The following WNT2 variants were observed in gnomAD, a reference collection of about 807,000 sequenced individuals.
WNT2 encodes the protein protein Wnt-2.
Under a neutral mutation model 36.9 loss-of-function variants are expected in WNT2, and 12 were observed. The observed-to-expected ratio is 0.33, with a 90% CI of 0.21 to 0.53. WNT2 has a LOEUF of 0.53. WNT2 is among the 20% of genes least tolerant of loss of function. WNT2 has a pLI of 0.95. For synonymous variants in WNT2, 163 were observed against 174.6 expected (o/e 0.93, Z 0.52); for missense variants, 379 against 473.1 (o/e 0.80, Z 1.84).
chr7:117,286,401 ATC>A (rs1794579918), intron 4 of WNT2, among the ~76,000 whole-genome samples: 1 of 149,506 alleles, frequency 6.7e-6, no homozygotes, highest in Non-Finnish European at 1.5e-5. Flanking sequence ...TCCTCTCTCA[ATC>A]TCTCTTTCTC....
At chr7:117,306,769 T>A (rs971342633) in intron 3 of WNT2, among the ~76,000 whole-genome samples, 2 of 152,246 alleles carry the variant, frequency 1.3e-5, no homozygotes, top group Non-Finnish European at 2.9e-5. Flanking sequence ...CGTGGCATCC[T>A]GTCAATAAAT....
Position 117,320,830 on chromosome 7 carries a change from G to A in WNT2, c.84-37C>T, listed in dbSNP as rs770243175. On this transcript the variant is annotated intron_variant, in intron 1 of 4. Transcript: ENST00000265441. The stretch of plus-strand genomic sequence containing the variant: ...CAACCAACACAGAGGTGAGGGCAAC[G>A]TGAACAGGGAGGCCTGGCTCAGTGT... The A allele has an allele frequency of 4.5e-6, 7 of 1,555,578 alleles. No homozygotes were observed. The South Asian group carries it at 4.6e-5, about 10-fold the overall frequency.
chr7:117,303,174 A>C (rs1262396879), intron 3 of WNT2, among the ~76,000 whole-genome samples: 1 of 152,170 alleles, frequency 6.6e-6, no homozygotes, highest in African/African-American at 2.4e-5. Flanking sequence ...AGGGTTCAGA[A>C]TCATCCAGAC....
chr7:117,282,324 C>G (rs1794502628), intron 4 of WNT2, among the ~76,000 whole-genome samples: 1 of 149,512 alleles, frequency 6.7e-6, no homozygotes, highest in Non-Finnish European at 1.5e-5. Context: ...ATTTCAATAA[C>G]AAGAAGAAGG....
rs1224936520 is a variant in WNT2, at chr7:117,297,118, A to C, written c.853+494T>G. 1.3e-5 allele frequency among the ~76,000 whole-genome samples: 2 copies of C among 152,174 alleles called. 1 individual carries two copies. Among genetic ancestry groups the C allele is most frequent in the Admixed American group, 1.3e-4 (2 of 15,274 alleles). ...TCTGCCCAGGCTGAAGAATTTTGCT[A>C]ATCTGCGTATCTTGACTTTTTGCCC... On this transcript the variant is annotated intron_variant, in intron 4 of 4. Transcript: ENST00000265441.
intron 3 of WNT2, among the ~76,000 whole-genome samples, chr7:117,303,659 C>A (rs1380311498): frequency 6.6e-6 from 1 of 152,148 alleles, no homozygotes; most frequent in Non-Finnish European, 1.5e-5. Context: ...GACCTCTGTT[C>A]TGTAACTATA....
chr7:117,296,277 C>T (rs1366345585), intron 4 of WNT2, among the ~76,000 whole-genome samples: 1 of 152,160 alleles, frequency 6.6e-6, no homozygotes. Flanking sequence ...TCCTCTGCTC[C>T]GTTGTCATTA....
intron 3 of WNT2, among the ~76,000 whole-genome samples, chr7:117,299,748 A>G (rs2116359994): frequency 1.3e-5 from 2 of 152,210 alleles, no homozygotes; most frequent in Middle Eastern, 3.4e-3. Flanking sequence ...TTCCCATCTC[A>G]GCCTCCCAAA....
At chr7:117,280,543 G>C (rs1332492067) in intron 4 of WNT2, among the ~76,000 whole-genome samples, 1 of 152,150 alleles carries the variant, frequency 6.6e-6, no homozygotes, top group Admixed American at 6.5e-5. Context: ...AGGACCTACT[G>C]TAACCCACAG....
At chr7:117,300,590 A>C (rs931286805) in intron 3 of WNT2, among the ~76,000 whole-genome samples, 1 of 152,172 alleles carries the variant, frequency 6.6e-6, no homozygotes, top group Non-Finnish European at 1.5e-5. Context: ...ACTTGATCCC[A>C]GGAGTTCAAG....
intron 3 of WNT2, among the ~76,000 whole-genome samples, chr7:117,305,158 C>A (rs1794992516): frequency 2.0e-5 from 3 of 152,188 alleles, no homozygotes; most frequent in African/African-American, 7.2e-5. Flanking sequence ...TCTAGGGCAG[C>A]ATTTTCTTCA....
In WNT2 at chr7:117,278,066, C is replaced by T. The variant is rs1794411546; in HGVS notation, c.*89G>A. On this transcript the variant is annotated 3_prime_UTR_variant, in exon 5 of 5. Coordinates refer to ENST00000265441, the MANE Select transcript of WNT2 (RefSeq NM_003391.3). ...AAAGGCCACATGCCTTAGGAAATAT[C>T]CCCCCAGAAAGAACCCAAAGGTCCA... The T allele has an allele frequency of 2.1e-6, 3 of 1,434,288 alleles. No homozygotes were observed. Among genetic ancestry groups the T allele is most frequent in the African/African-American group, 1.4e-5 (1 of 71,288 alleles). 88.8% of individuals were successfully genotyped at this position (1,434,288 alleles called of 1,614,324 possible). A position where few individuals can be genotyped will look rare whatever the true frequency, so the allele number is the denominator to read the frequency against.
intron 4 of WNT2, among the ~76,000 whole-genome samples, chr7:117,295,900 G>A (rs909108317): frequency 6.6e-6 from 1 of 152,138 alleles, no homozygotes; most frequent in Non-Finnish European, 1.5e-5. Flanking sequence ...TCATCTAGGA[G>A]CCACCTCTTA....
Position 117,322,418 on chromosome 7 carries a change from C to T in WNT2, c.83+489G>A, listed in dbSNP as rs1795347013. 1.3e-5 allele frequency among the ~76,000 whole-genome samples: 2 copies of T among 151,790 alleles called. No individual in the cohort carries two copies. The highest frequency in any genetic ancestry group is 4.8e-5 in the African/African-American group (2 of 41,382). On this transcript the variant is annotated intron_variant, in intron 1 of 4. Transcript: ENST00000265441. The surrounding 1 kb of genome is among the most constrained non-coding windows in gnomAD (Gnocchi z 5.4). ...AAGGACGGGAAATAATACAAAGTCACACGCTTTAGGTTCTACAACTCCTGA... is the reference window on the plus strand; with the variant it reads ...AAGGACGGGAAATAATACAAAGTCATACGCTTTAGGTTCTACAACTCCTGA...
chr7:117,293,788 T>A (rs1249306871), intron 4 of WNT2, among the ~76,000 whole-genome samples: 1 of 152,114 alleles, frequency 6.6e-6, no homozygotes, highest in African/African-American at 2.4e-5. Flanking sequence ...AATGTGTGCA[T>A]GCTGGTAGCT....
Position 117,320,637 on chromosome 7 carries a change from G to A in WNT2, c.240C>T (p.Phe80=). Residue 80 remains phenylalanine, a synonymous_variant, in exon 2 of 5, where the codon TTC becomes TTT. Transcript: ENST00000265441. ...TGTTGCAATTCCAGCGGTGCTGGCG[G>A]AACTGGTGCTGGCATTCTGCTGTCC... ...AEWTAECQHQ[F]RQHRWNCNTL... 1 of 1,613,998 alleles carries A rather than the reference G, an allele frequency of 6.2e-7. No homozygotes were observed. The highest frequency in any genetic ancestry group is 8.5e-7 in the Non-Finnish European group (1 of 1,179,962).
chr7:117,320,526 G>T, intron 2 of WNT2, 41 bp downstream of exon 2: 1 of 1,565,134 alleles, frequency 6.4e-7, no homozygotes, highest in Non-Finnish European at 8.7e-7. Context: ...AGCTGTGCAT[G>T]AGTGGAGAGC....
chr7:117,299,909 C>G (rs1160730160), intron 3 of WNT2, among the ~76,000 whole-genome samples: 1 of 152,078 alleles, frequency 6.6e-6, no homozygotes, highest in Non-Finnish European at 1.5e-5. Context: ...TTAAAAATAA[C>G]ATTATAAATC....
chr7:117,297,541 A>G, intron 4 of WNT2, 71 bp downstream of exon 4: 1 of 1,521,144 alleles, frequency 6.6e-7, no homozygotes, highest in Middle Eastern at 1.9e-4. Context: ...AAAATACAGA[A>G]CCTCATTTAA....
Sources: gnomAD v4.1 joint callset for allele counts (sites outside exome capture counted in the v4.1 genomes callset) on GRCh38, gnomAD v4.1.1 for gene constraint, Gnocchi (gnomAD v3.1) non-coding constraint, MANE v1.5 for transcripts, NCBI Gene and HGNC (gene_info 2026-07-23, HGNC 2026-07-21) for gene names.